Variants in PCTP observed in about 807,000 individuals in gnomAD.
PCTP encodes the protein START domain-containing protein 2.
PCTP carries 27 observed loss-of-function variants against 31.0 expected under a neutral mutation model. The observed-to-expected ratio is 0.87, with a 90% CI of 0.64 to 1.20. The LOEUF is 1.20. Among genes scored for constraint, PCTP ranks in the 50% most tolerant of loss-of-function variants. PCTP has a pLI of 0.00. For synonymous variants in PCTP, 108 were observed against 101.2 expected, an observed-to-expected ratio of 1.07 and a Z score of -0.40; for missense variants, 287 against 268.2, an observed-to-expected ratio of 1.07 and a Z score of -0.49.
chr17:55,774,712 T>G, intron 4 of PCTP, 80 bp from the exon 5 acceptor site: 2 of 1,137,704 alleles, frequency 1.8e-6, no homozygotes, highest in Non-Finnish European at 1.3e-6. Flanking sequence ...AATATGAAGA[T>G]ATAAAGTTTG....
chr17:55,786,018 C>G (rs1260506353), intron 2 of PCTP, among the ~76,000 whole-genome samples: 1 of 152,204 alleles, frequency 6.6e-6, no homozygotes, highest in Non-Finnish European at 1.5e-5. Flanking sequence ...CACGGTGGCT[C>G]ATGCCTGTAA....
At chr17:55,778,461 A>G (rs1288197017), downstream of PCTP, among the ~76,000 whole-genome samples, 1 of 152,204 alleles carries the variant, frequency 6.6e-6, no homozygotes, top group African/African-American at 2.4e-5. Flanking sequence ...AGTATATAGT[A>G]GGCACTCGAA....
chr17:55,751,282 A>G, intron 1 of PCTP, 38 bp downstream of exon 1: 1 of 1,524,264 alleles, frequency 6.6e-7, no homozygotes, highest in Non-Finnish European at 8.8e-7. Context: ...GGGGCCTAGA[A>G]TGCGCCGGGG....
Position 55,751,228 on chromosome 17 carries a change from A to G in PCTP, c.125A>G (p.Tyr42Cys). Residue 42 changes from tyrosine (Y) to cysteine (C), a missense_variant, in exon 1 of 6, where the codon TAC (tyrosine) becomes TGC (cysteine). Tyr to Cys is a radical substitution (Grantham distance 194). Coordinates refer to ENST00000268896, the MANE Select transcript of PCTP (RefSeq NM_021213.4). ...GTGGAGACCTCGGGCATCAGCATCTACCGGCTGCTGGACAAGGTAGCGGCC... is the reference window on the plus strand; with the variant it reads ...GTGGAGACCTCGGGCATCAGCATCTGCCGGCTGCTGGACAAGGTAGCGGCC... Reference protein sequence around the residue: ...LLVETSGISIYRLLDKKTGLY... With the variant: ...LLVETSGISICRLLDKKTGLY... 2 of 1,540,618 alleles carry G rather than the reference A, an allele frequency of 1.3e-6. No homozygotes were observed. Among genetic ancestry groups the G allele is most frequent in the Non-Finnish European group, 1.8e-6 (2 of 1,142,586 alleles).
At chr17:55,825,853 C>A (rs1905379229), downstream of PCTP, among the ~76,000 whole-genome samples, 1 of 152,228 alleles carries the variant, frequency 6.6e-6, no homozygotes, top group South Asian at 2.1e-4. Flanking sequence ...TCTGACTGCG[C>A]TAATTCCAAT....
chr17:55,840,616 C>G (rs1905948693), intron 5 of PCTP, among the ~76,000 whole-genome samples: 1 of 152,254 alleles, frequency 6.6e-6, no homozygotes, highest in Admixed American at 6.5e-5. Context: ...AGAGTGCAAG[C>G]ACATATTCAC....
At chr17:55,845,722 A>AC (rs1046517857), downstream of PCTP, among the ~76,000 whole-genome samples, 4 of 150,752 alleles carry the variant, frequency 2.7e-5, no homozygotes, top group African/African-American at 9.8e-5. Context: ...AGCACCTGGG[A>AC]CCCCCGGGAC....
chr17:55,836,929 C>G (rs928474481), intron 5 of PCTP, among the ~76,000 whole-genome samples: 1 of 152,104 alleles, frequency 6.6e-6, no homozygotes, highest in Non-Finnish European at 1.5e-5. Flanking sequence ...GGGGATCTAA[C>G]CTAGTCGATG....
At chr17:55,754,526 T>C (rs1909893668) in intron 1 of PCTP, among the ~76,000 whole-genome samples, 1 of 152,208 alleles carries the variant, frequency 6.6e-6, no homozygotes, top group Non-Finnish European at 1.5e-5. Context: ...CCCCTCCTCT[T>C]GGGTCCTTTA....
At chr17:55,802,487 C>A (rs578148647) in intron 3 of PCTP, among the ~76,000 whole-genome samples, 4 of 152,250 alleles carry the variant, frequency 2.6e-5, no homozygotes, top group Middle Eastern at 3.4e-3. Flanking sequence ...TACTGGCAAA[C>A]CAAATCCAGC....
At chr17:55,770,926 T>C in intron 2 of PCTP, 180 bp from the exon 3 acceptor site, 1 of 505,758 alleles carries the variant, frequency 2.0e-6, no homozygotes, top group East Asian at 3.3e-5. Context: ...AGAGATGGGG[T>C]TTCACCATAT....
chr17:55,807,782 G>A (rs1400292619), intron 3 of PCTP, among the ~76,000 whole-genome samples: 3 of 152,078 alleles, frequency 2.0e-5, no homozygotes, highest in African/African-American at 7.2e-5. Flanking sequence ...AACTTGAGTC[G>A]AGACTACCAT....
At chr17:55,807,159 G>A (rs1249261812) in intron 3 of PCTP, among the ~76,000 whole-genome samples, 1 of 152,132 alleles carries the variant, frequency 6.6e-6, no homozygotes, top group Non-Finnish European at 1.5e-5. Flanking sequence ...AACTATTAAT[G>A]ATAGTCTAGT....
downstream of PCTP, among the ~76,000 whole-genome samples, chr17:55,823,915 C>G (rs190759315): frequency 2.6e-4 from 39 of 152,264 alleles, no homozygotes; most frequent in Admixed American, 2.4e-3. Context: ...TGCATAACTC[C>G]CTATTGCAGA....
intron 1 of PCTP, among the ~76,000 whole-genome samples, chr17:55,762,639 A>C (rs909868309): frequency 6.6e-6 from 1 of 152,182 alleles, no homozygotes; most frequent in Non-Finnish European, 1.5e-5. Context: ...CTATTGGTAG[A>C]GTTTGCTGTC....
chr17:55,852,045 A>G, the PCTP span, among the ~76,000 whole-genome samples: 19 of 152,228 alleles, frequency 1.2e-4, no homozygotes, highest in Non-Finnish European at 2.5e-4. Context: ...ATCAGACTCT[A>G]CATATTGTTT....
intron 3 of PCTP, among the ~76,000 whole-genome samples, chr17:55,796,448 C>T (rs746279464): frequency 1.1e-4 from 16 of 151,822 alleles, no homozygotes; most frequent in South Asian, 2.1e-4. Flanking sequence ...GTTTTGAGAA[C>T]GATTTTAAAA....
intron 3 of PCTP, among the ~76,000 whole-genome samples, chr17:55,803,229 A>C (rs2145030215): frequency 1.3e-5 from 2 of 152,338 alleles, no homozygotes; most frequent in Middle Eastern, 6.8e-3. Flanking sequence ...CAAATGGAAA[A>C]ACATTCCATG....
chr17:55,785,212 G>A (rs1398028406), intron 2 of PCTP, among the ~76,000 whole-genome samples: 1 of 152,246 alleles, frequency 6.6e-6, no homozygotes, highest in Non-Finnish European at 1.5e-5. Flanking sequence ...CTCTCATGAA[G>A]CAAGTTGCTA....
Sources: allele counts gnomAD v4.1 joint callset (sites outside exome capture counted in the v4.1 genomes callset), GRCh38; gene constraint gnomAD v4.1.1; transcripts MANE v1.5; gene names NCBI Gene and HGNC (gene_info 2026-07-23, HGNC 2026-07-21).